Variants in TLL1 observed in about 807,000 individuals in gnomAD.
TLL1 encodes tolloid-like protein 1.
A neutral mutation model predicts 128.2 loss-of-function variants in TLL1; 49 were observed. The ratio of observed to expected loss-of-function variants is 0.38; its 90% CI spans 0.30 to 0.48. TLL1 has a LOEUF of 0.48. Among genes scored for constraint, TLL1 ranks in the 20% least tolerant of loss-of-function variants. TLL1 has a pLI of 0.96. For synonymous variants in TLL1, 454 were observed against 418.8 expected, an observed-to-expected ratio of 1.08 and a Z score of -1.03; for missense variants, 1,123 against 1,242.0, an observed-to-expected ratio of 0.90 and a Z score of 1.44.
At chr4:166,044,392 GC>G (rs1454656532) in intron 12 of TLL1, 1 of 1,535,414 alleles carries the variant, frequency 6.5e-7, no homozygotes, top group Non-Finnish European at 8.7e-7. Context: ...TCCAGGGATT[GC>G]CAGTAAAGCC....
intron 1 of TLL1, among the ~76,000 whole-genome samples, chr4:165,958,838 G>GT (rs1278861556): frequency 6.8e-6 from 1 of 146,160 alleles, no homozygotes; most frequent in Non-Finnish European, 1.5e-5. Flanking sequence ...GGTTTTTATG[G>GT]TTTTAGGTCT....
chr4:166,025,499 A>C, intron 9 of TLL1, 68 bp downstream of exon 9: 3 of 1,270,870 alleles, frequency 2.4e-6, no homozygotes, highest in Non-Finnish European at 3.4e-6. Flanking sequence ...TCCTTCAAAT[A>C]TAAATTTGCT....
intron 8 of TLL1, among the ~76,000 whole-genome samples, chr4:166,017,387 T>C (rs1469014300): frequency 6.6e-6 from 1 of 152,114 alleles, no homozygotes; most frequent in African/African-American, 2.4e-5. Flanking sequence ...TGTACAGTGC[T>C]GCGGTGAACA....
In TLL1 at chr4:165,873,593, A is replaced by G. The variant is rs1730587866; in HGVS notation, c.-312A>G. On this transcript the variant is annotated 5_prime_UTR_variant, in exon 1 of 21. Coordinates refer to ENST00000061240, the MANE Select transcript of TLL1 (RefSeq NM_012464.5). ...CAGAAGGACGACCTGGCAGGCTGCGAGCGCCAGCGCCGCCAGAGCCGAGTT... is the reference window on the plus strand; with the variant it reads ...CAGAAGGACGACCTGGCAGGCTGCGGGCGCCAGCGCCGCCAGAGCCGAGTT... 4.5e-6 allele frequency: 1 copy of G among 221,124 alleles called. No homozygotes were observed. Among genetic ancestry groups the G allele is most frequent in the Non-Finnish European group, 8.8e-6 (1 of 113,094 alleles). The allele number at this position is 221,124 out of a possible 1,614,324, so 13.7% of individuals were successfully genotyped here.
At chr4:165,950,880 C>T (rs1208314105) in intron 1 of TLL1, among the ~76,000 whole-genome samples, 1 of 151,908 alleles carries the variant, frequency 6.6e-6, no homozygotes, top group Non-Finnish European at 1.5e-5. Flanking sequence ...CTAAAGCAAG[C>T]ACAAGGAAGG....
At chr4:165,880,924 A>G (rs1426784844) in intron 1 of TLL1, among the ~76,000 whole-genome samples, 1 of 152,044 alleles carries the variant, frequency 6.6e-6, no homozygotes, top group Non-Finnish European at 1.5e-5. Flanking sequence ...TTTGCCTCTG[A>G]GTGTATTTGA....
chr4:165,908,720 C>T (rs1732388578), intron 1 of TLL1, among the ~76,000 whole-genome samples: 1 of 151,808 alleles, frequency 6.6e-6, no homozygotes, highest in Admixed American at 6.6e-5. Context: ...TGAGAAAATA[C>T]CTGTGATGGG....
intron 6 of TLL1, among the ~76,000 whole-genome samples, chr4:166,007,414 T>C (rs1351172822): frequency 6.6e-6 from 1 of 151,688 alleles, no homozygotes; most frequent in Non-Finnish European, 1.5e-5. Context: ...GTAGAGAATT[T>C]GCTGTTACTG....
intron 10 of TLL1, 72 bp downstream of exon 10, chr4:166,039,513 T>C: frequency 9.5e-7 from 1 of 1,054,450 alleles, no homozygotes; most frequent in Non-Finnish European, 1.5e-6. Context: ...ACCGATTCTC[T>C]CAAGAGTCAT....
At chr4:165,893,634 C>T (rs1387502935) in intron 1 of TLL1, among the ~76,000 whole-genome samples, 1 of 152,136 alleles carries the variant, frequency 6.6e-6, no homozygotes. Context: ...AGGACACTCC[C>T]TATGGCTGAG....
At chr4:165,966,644 C>A (rs912328237) in intron 1 of TLL1, among the ~76,000 whole-genome samples, 1 of 152,202 alleles carries the variant, frequency 6.6e-6, no homozygotes, top group East Asian at 1.9e-4. Flanking sequence ...CTGGGGGAGA[C>A]ATCACATGTC....
intron 1 of TLL1, among the ~76,000 whole-genome samples, chr4:165,961,627 G>T (rs1406482823): frequency 6.6e-6 from 1 of 152,082 alleles, no homozygotes. Context: ...CAGACACAAA[G>T]ACCAGTGGAA....
At chr4:166,018,464 T>A (rs1738056332) in intron 8 of TLL1, among the ~76,000 whole-genome samples, 1 of 152,082 alleles carries the variant, frequency 6.6e-6, no homozygotes. Flanking sequence ...GGGACTTAAT[T>A]AAACTAAAGG....
At chr4:165,973,953 A>G (rs1030823214) in intron 1 of TLL1, among the ~76,000 whole-genome samples, 1 of 152,040 alleles carries the variant, frequency 6.6e-6, no homozygotes, top group Non-Finnish European at 1.5e-5. Flanking sequence ...GGCATGAGCC[A>G]CTGTGCCCAA....
At chr4:166,065,985 C>CCATTTGACACAGGTTTAGT in intron 16 of TLL1, 122 bp downstream of exon 16, 2 of 695,246 alleles carry the variant, frequency 2.9e-6, no homozygotes, top group South Asian at 3.6e-5. Flanking sequence ...GTAGGCCTTA[C>CCATTTGACACAGGTTTAGT]AAACAACACA....
intron 19 of TLL1, among the ~76,000 whole-genome samples, chr4:166,097,961 T>C (rs1054525421): frequency 1.3e-5 from 2 of 152,102 alleles, no homozygotes; most frequent in African/African-American, 4.8e-5. Flanking sequence ...ATCTCCCTCC[T>C]AACCACCATG....
intron 1 of TLL1, among the ~76,000 whole-genome samples, chr4:165,955,742 G>A (rs72697348): frequency 0.022 from 3,335 of 152,256 alleles, 40 homozygotes; most frequent in Middle Eastern, 0.041. Context: ...CAATGCTATG[G>A]GAAGTTGATA....
intron 1 of TLL1, among the ~76,000 whole-genome samples, chr4:165,903,721 C>T (rs989189387): frequency 3.2e-4 from 45 of 142,022 alleles, no homozygotes; most frequent in African/African-American, 1.1e-3. Flanking sequence ...GAGGTTAGAT[C>T]TTAAGTTCTT....
At chr4:166,085,032 T>C (rs908173820) in intron 18 of TLL1, among the ~76,000 whole-genome samples, 9 of 152,094 alleles carry the variant, frequency 5.9e-5, no homozygotes, top group Non-Finnish European at 1.3e-4. Flanking sequence ...ATTTTAATTT[T>C]TGGAGCTGTT....
Sources: gnomAD v4.1 joint callset for allele counts (sites outside exome capture counted in the v4.1 genomes callset) on GRCh38, gnomAD v4.1.1 for gene constraint, MANE v1.5 for transcripts, NCBI Gene and HGNC (gene_info 2026-07-23, HGNC 2026-07-21) for gene names.